EPB41: variants seen among roughly 807,000 people sequenced by gnomAD.
EPB41 encodes protein 4.1.
EPB41 carries 65 observed loss-of-function variants against 108.0 expected under a neutral mutation model. That is an observed-to-expected ratio of 0.60 (90% CI 0.49 to 0.74). EPB41 has a LOEUF of 0.74. Among genes scored for constraint, EPB41 ranks in the 30% least tolerant of loss-of-function variants. The probability of loss-of-function intolerance (pLI) is 0.00; values close to 1 mark genes in which losing one functional copy is unlikely to be tolerated. For missense variants in EPB41, 875 were observed against 1,037.0 expected, an observed-to-expected ratio of 0.84 and a Z score of 2.15; for synonymous variants, 336 against 358.9, an observed-to-expected ratio of 0.94 and a Z score of 0.72.
At chr1:28,895,599 C>T (rs778919280) in intron 1 of EPB41, among the ~76,000 whole-genome samples, 4 of 152,138 alleles carry the variant, frequency 2.6e-5, no homozygotes, top group Non-Finnish European at 5.9e-5. Flanking sequence ...AAGCAATTCT[C>T]CTGTCTCAAC....
At chr1:29,062,433 G>A (rs1573398936) in intron 15 of EPB41, among the ~76,000 whole-genome samples, 1 of 152,164 alleles carries the variant, frequency 6.6e-6, no homozygotes, top group Non-Finnish European at 1.5e-5. Context: ...CCTGAGAGGG[G>A]ATTTCTAAAT....
At chr1:29,003,175 A>T (rs893900081) in intron 4 of EPB41, among the ~76,000 whole-genome samples, 1 of 152,226 alleles carries the variant, frequency 6.6e-6, no homozygotes, top group African/African-American at 2.4e-5. Flanking sequence ...CTAGAAGTAC[A>T]CAGATATTTG....
chr1:28,899,500 T>C (rs1439185994), intron 1 of EPB41, among the ~76,000 whole-genome samples: 1 of 152,194 alleles, frequency 6.6e-6, no homozygotes, highest in Non-Finnish European at 1.5e-5. Flanking sequence ...CAGCCTCCGA[T>C]GATGCCACTG....
At chr1:28,933,781 T>C (rs2093861987) in intron 1 of EPB41, among the ~76,000 whole-genome samples, 1 of 152,138 alleles carries the variant, frequency 6.6e-6, no homozygotes, top group South Asian at 2.1e-4. Flanking sequence ...GTATGTCATG[T>C]TGGGCAAAGC....
intron 16 of EPB41, among the ~76,000 whole-genome samples, chr1:29,093,719 A>T (rs572648407): frequency 9.9e-5 from 15 of 152,268 alleles, no homozygotes; most frequent in African/African-American, 2.9e-4. Flanking sequence ...AGCCTGACCA[A>T]CATGGTGAAA....
intron 1 of EPB41, among the ~76,000 whole-genome samples, chr1:28,979,724 T>C (rs1259142825): frequency 6.6e-6 from 1 of 152,214 alleles, no homozygotes; most frequent in Non-Finnish European, 1.5e-5. Context: ...CTTTTTTTTT[T>C]TTTAATCACT....
At chr1:28,969,861 G>A (rs575258908) in intron 1 of EPB41, among the ~76,000 whole-genome samples, 6 of 152,186 alleles carry the variant, frequency 3.9e-5, no homozygotes, top group Admixed American at 6.5e-5. Context: ...AGATCGTGCC[G>A]CTGTACTCCA....
chr1:28,969,208 T>C lies in EPB41; in HGVS notation c.-7-18223T>C, dbSNP rs140300196. 3.8e-3 allele frequency among the ~76,000 whole-genome samples: 571 copies of C among 151,058 alleles called. 7 individuals are homozygous for C. Among genetic ancestry groups the C allele is most frequent in the African/African-American group, 0.013 (529 of 41,182 alleles). On this transcript the variant is annotated intron_variant, in intron 1 of 20. Transcript: ENST00000343067. ...CAAGTGATTCTTGTGCCTCAGTCTCTCCAGTAGCTGGGATTACAGGCACCC... is the reference window on the plus strand; with the variant it reads ...CAAGTGATTCTTGTGCCTCAGTCTCCCCAGTAGCTGGGATTACAGGCACCC...
chr1:28,950,590 G>C (rs2094678839), intron 1 of EPB41, among the ~76,000 whole-genome samples: 1 of 152,254 alleles, frequency 6.6e-6, no homozygotes, highest in Non-Finnish European at 1.5e-5. Context: ...GGGAGCAGGA[G>C]AAAGGCAGAA....
chr1:29,108,074 A>T (rs1057070763), intron 17 of EPB41, among the ~76,000 whole-genome samples: 2 of 150,668 alleles, frequency 1.3e-5, no homozygotes, highest in Non-Finnish European at 3.0e-5. Flanking sequence ...GCATTTGTGA[A>T]CTATAAAATG....
At chr1:28,984,602 C>T (rs1417399677) in intron 1 of EPB41, among the ~76,000 whole-genome samples, 1 of 151,262 alleles carries the variant, frequency 6.6e-6, no homozygotes, top group Non-Finnish European at 1.5e-5. Context: ...AATGCCTTTG[C>T]AGTTTGTATT....
At chr1:28,999,692 T>A (rs1193679229) in intron 4 of EPB41, among the ~76,000 whole-genome samples, 1 of 152,216 alleles carries the variant, frequency 6.6e-6, no homozygotes, top group African/African-American at 2.4e-5. Flanking sequence ...AGGGCCCACG[T>A]TGGGACAAAA....
At chr1:28,915,971 A>T (rs1413837214) in intron 1 of EPB41, among the ~76,000 whole-genome samples, 1 of 152,156 alleles carries the variant, frequency 6.6e-6, no homozygotes, top group African/African-American at 2.4e-5. Flanking sequence ...AGCAGGATAT[A>T]TAGCCCGTAT....
chr1:28,959,259 C>T (rs534482404), intron 1 of EPB41, among the ~76,000 whole-genome samples: 76 of 145,422 alleles, frequency 5.2e-4, no homozygotes, highest in Non-Finnish European at 9.4e-4. Context: ...GCTCTGTTGC[C>T]AGGCTGGAGT....
At chr1:29,066,730 A>G (rs1249239279) in intron 16 of EPB41, among the ~76,000 whole-genome samples, 1 of 152,028 alleles carries the variant, frequency 6.6e-6, no homozygotes, top group African/African-American at 2.4e-5. Context: ...CTGGAATGCA[A>G]TGGCACGATC....
At chr1:28,897,629 GGAGGGGAGAGGAGGGGAGA>G (rs1184063760) in intron 1 of EPB41, among the ~76,000 whole-genome samples, 3 of 113,562 alleles carry the variant, frequency 2.6e-5, no homozygotes, top group South Asian at 3.6e-4. Context: ...GGAGGGGAGA[GGAGGGGAGAGGAGGGGAGA>G]GGAGGGGAGG....
chr1:28,970,910 C>T (rs982104904), intron 1 of EPB41, among the ~76,000 whole-genome samples: 1 of 152,050 alleles, frequency 6.6e-6, no homozygotes, highest in Non-Finnish European at 1.5e-5. Flanking sequence ...TGCAAAGGTG[C>T]GATCTCGGCT....
intron 10 of EPB41, among the ~76,000 whole-genome samples, chr1:29,037,052 C>T (rs1639765222): frequency 6.6e-6 from 1 of 151,676 alleles, no homozygotes; most frequent in Non-Finnish European, 1.5e-5. Context: ...TATTTGAAGC[C>T]CAATAGTACC....
intron 12 of EPB41, 45 bp from the exon 13 acceptor site, chr1:29,058,544 C>A: frequency 4.5e-6 from 7 of 1,555,116 alleles, no homozygotes; most frequent in Non-Finnish European, 6.2e-6. Flanking sequence ...TCATAGAAAC[C>A]TACTAACCTA....
Sources: gnomAD v4.1 joint callset for allele counts (sites outside exome capture counted in the v4.1 genomes callset) on GRCh38, gnomAD v4.1.1 for gene constraint, MANE v1.5 for transcripts, NCBI Gene and HGNC (gene_info 2026-07-23, HGNC 2026-07-21) for gene names.